Variants in BLTP1 observed in about 807,000 individuals in gnomAD.
BLTP1 encodes the protein fragile site-associated protein.
the BLTP1 span, chr4:122,245,198 A>G: frequency 6.8e-7 from 1 of 1,468,562 alleles, no homozygotes; most frequent in Non-Finnish European, 9.4e-7. Flanking sequence ...TGGTTACAGA[A>G]TATTCAAACT....
the BLTP1 span, chr4:122,341,534 C>T: frequency 2.7e-5 from 5 of 184,378 alleles, no homozygotes; most frequent in Non-Finnish European, 5.1e-5. Flanking sequence ...ATATATGCAC[C>T]ATGCTAGGAA....
the BLTP1 span, chr4:122,250,126 A>T: frequency 2.1e-6 from 1 of 472,486 alleles, no homozygotes; most frequent in Admixed American, 6.4e-5. Context: ...TGAAATGTGT[A>T]TAACACTTTT....
the BLTP1 span, chr4:122,173,061 T>A: frequency 6.2e-7 from 1 of 1,613,136 alleles, no homozygotes; most frequent in Non-Finnish European, 8.5e-7. Flanking sequence ...GTGGATGGAT[T>A]ATTTACCTCA....
chr4:122,342,335 T>C, the BLTP1 span, among the ~76,000 whole-genome samples: 1 of 151,850 alleles, frequency 6.6e-6, no homozygotes, highest in Non-Finnish European at 1.5e-5. Context: ...TGAGCTATTT[T>C]CTTTTTATTT....
chr4:122,274,951 C>T, the BLTP1 span, among the ~76,000 whole-genome samples: 1 of 152,082 alleles, frequency 6.6e-6, no homozygotes, highest in Admixed American at 6.6e-5. Flanking sequence ...TGGGCCATAG[C>T]TTTCTGCAAT....
the BLTP1 span, chr4:122,188,093 G>T: frequency 6.8e-7 from 1 of 1,464,584 alleles, no homozygotes; most frequent in South Asian, 1.4e-5. Context: ...TGATGAGTAA[G>T]AAAATCTTAT....
the BLTP1 span, chr4:122,211,148 A>C: frequency 6.8e-7 from 1 of 1,472,892 alleles, no homozygotes. Context: ...AAAGCAATTA[A>C]AATTTAATTG....
At chr4:122,180,143 G>T in the BLTP1 span, 1 of 984,944 alleles carries the variant, frequency 1.0e-6, no homozygotes, top group Admixed American at 6.2e-5. Context: ...GACAAAGGAG[G>T]TAAATAAATA....
the BLTP1 span, chr4:122,301,118 A>G: frequency 2.7e-6 from 2 of 743,592 alleles, no homozygotes. Flanking sequence ...ATAAATGTCT[A>G]CATATGCAGA....
chr4:122,347,013 ATAAC>A, the BLTP1 span: 1 of 751,864 alleles, frequency 1.3e-6, no homozygotes, highest in Non-Finnish European at 1.6e-6. Flanking sequence ...AGTTTATTCT[ATAAC>A]TATCCTAACA....
the BLTP1 span, among the ~76,000 whole-genome samples, chr4:122,279,154 C>T: frequency 3.3e-5 from 5 of 152,128 alleles, no homozygotes; most frequent in South Asian, 2.1e-4. Context: ...TGGCACCCAT[C>T]GAGTGGAAAA....
At chr4:122,258,152 A>G in the BLTP1 span, among the ~76,000 whole-genome samples, 9 of 152,186 alleles carry the variant, frequency 5.9e-5, no homozygotes, top group Non-Finnish European at 1.3e-4. Context: ...AAGCTTTGCC[A>G]AAGATTAATT....
chr4:122,284,786 T>A, the BLTP1 span, among the ~76,000 whole-genome samples: 1 of 152,210 alleles, frequency 6.6e-6, no homozygotes, highest in South Asian at 2.1e-4. Context: ...TTGTGCCTGA[T>A]TTATAAATTA....
chr4:122,298,659 A>ATACTTC, the BLTP1 span: 3 of 595,830 alleles, frequency 5.0e-6, no homozygotes, highest in Non-Finnish European at 4.2e-6. Context: ...TTGGAACATT[A>ATACTTC]GGTATTTAAA....
At chr4:122,240,236 G>A in the BLTP1 span, 1 of 1,614,092 alleles carries the variant, frequency 6.2e-7, no homozygotes, top group East Asian at 2.2e-5. Flanking sequence ...GGTCAGTTAA[G>A]CACCCAACCA....
At chr4:122,240,497 G>A in the BLTP1 span, 7 of 677,312 alleles carry the variant, frequency 1.0e-5, no homozygotes, top group Middle Eastern at 5.9e-4. Flanking sequence ...ATGTATGATA[G>A]GTCACAGAGT....
the BLTP1 span, chr4:122,334,208 A>G: frequency 1.8e-4 from 146 of 828,068 alleles, no homozygotes; most frequent in Non-Finnish European, 2.4e-4. Context: ...GAAACTTGCC[A>G]GGATCACAAA....
the BLTP1 span, among the ~76,000 whole-genome samples, chr4:122,303,139 G>T: frequency 6.8e-3 from 1,038 of 152,276 alleles, 12 homozygotes; most frequent in African/African-American, 0.024. Flanking sequence ...AGGGTCAAAT[G>T]CAGCTGGTGA....
chr4:122,355,574 T>C, the BLTP1 span, among the ~76,000 whole-genome samples: 2 of 148,528 alleles, frequency 1.3e-5, no homozygotes, highest in African/African-American at 4.9e-5. Flanking sequence ...CATATGTATA[T>C]ATATAAATAT....
Sources: allele counts gnomAD v4.1 joint callset (sites outside exome capture counted in the v4.1 genomes callset), GRCh38; gene constraint gnomAD v4.1.1; transcripts MANE v1.5; gene names NCBI Gene and HGNC (gene_info 2026-07-23, HGNC 2026-07-21).